The following PDE8B variants were observed in gnomAD, a reference collection of about 807,000 sequenced individuals.
PDE8B encodes the protein phosphodiesterase 8B, also known as high affinity cAMP-specific and IBMX-insensitive 3',5'-cyclic phosphodiesterase 8B.
In PDE8B, 26 loss-of-function variants were observed where a neutral mutation model predicts 101.3. The ratio of observed to expected loss-of-function variants is 0.26; its 90% CI spans 0.19 to 0.36. The LOEUF is 0.36. Ranked by LOEUF, PDE8B falls within the 10% of genes least tolerant of loss-of-function variation. The pLI is 1.00. For synonymous variants in PDE8B, 424 were observed against 429.3 expected, an observed-to-expected ratio of 0.99 and a Z score of 0.15; for missense variants, 810 against 1,163.1, an observed-to-expected ratio of 0.70 and a Z score of 4.42.
the PDE8B span, among the ~76,000 whole-genome samples, chr5:77,149,203 T>C: frequency 6.6e-6 from 1 of 152,220 alleles, no homozygotes; most frequent in African/African-American, 2.4e-5. Context: ...ATCTGAACTC[T>C]CAGTTCTTCT....
the PDE8B span, among the ~76,000 whole-genome samples, chr5:77,110,329 A>G: frequency 7.8e-4 from 118 of 152,222 alleles, no homozygotes; most frequent in Non-Finnish European, 1.4e-3. Flanking sequence ...TTTAAGTTGC[A>G]TCAAGTACTG....
At chr5:77,368,407 G>A (rs2150643247) in intron 10 of PDE8B, among the ~76,000 whole-genome samples, 1 of 152,312 alleles carries the variant, frequency 6.6e-6, no homozygotes, top group Middle Eastern at 3.4e-3. Flanking sequence ...AGAAGGCTCA[G>A]CTTCTTACAC....
chr5:77,164,531 TG>T, the PDE8B span, among the ~76,000 whole-genome samples: 1 of 152,186 alleles, frequency 6.6e-6, no homozygotes, highest in Non-Finnish European at 1.5e-5. Context: ...ATTCAGCATA[TG>T]TCTGTCAAGA....
Position 77,210,980 on chromosome 5 carries a change from G to A in PDE8B, c.55G>A (p.Asp19Asn). Reference sequence around the variant, plus strand: ...GCAGAGCGGCGTGATCTACTGCCGGGACTCGGACGAGTCCAGCTCGCCCCG... The same window carrying A: ...GCAGAGCGGCGTGATCTACTGCCGGAACTCGGACGAGTCCAGCTCGCCCCG... ...VSQSGVIYCR[D>N]SDESSSPRQT... is the part of the protein sequence containing the mutation. Residue 19 changes from aspartate (D) to asparagine (N), a missense_variant, in exon 1 of 22, where the codon GAC (aspartate) becomes AAC (asparagine). Asp to Asn is a conservative substitution (Grantham distance 23). Transcript: ENST00000264917. The surrounding 1 kb of genome is among the most constrained non-coding windows in gnomAD (Gnocchi z 4.9). The A allele has an allele frequency of 1.3e-6, 2 of 1,540,120 alleles. No individual in the cohort carries two copies. The highest frequency in any genetic ancestry group is 1.2e-5 in the South Asian group (1 of 84,904).
chr5:77,124,502 G>A, the PDE8B span, among the ~76,000 whole-genome samples: 6 of 151,844 alleles, frequency 4.0e-5, no homozygotes, highest in African/African-American at 9.7e-5. Context: ...TGGGAGGATC[G>A]CCTGAGCTGA....
chr5:77,293,768 A>C (rs1340785466), intron 1 of PDE8B, among the ~76,000 whole-genome samples: 3 of 152,204 alleles, frequency 2.0e-5, no homozygotes, highest in Admixed American at 6.5e-5. Flanking sequence ...TAACATTGTC[A>C]GTTTTTTAGA....
chr5:77,128,471 G>A, the PDE8B span, among the ~76,000 whole-genome samples: 3 of 152,170 alleles, frequency 2.0e-5, no homozygotes, highest in African/African-American at 2.4e-5. Flanking sequence ...ACCTTTATGG[G>A]TTGTGCATGC....
chr5:77,281,583 T>C (rs1765008645), intron 1 of PDE8B, among the ~76,000 whole-genome samples: 1 of 152,160 alleles, frequency 6.6e-6, no homozygotes, highest in Non-Finnish European at 1.5e-5. Context: ...ACATTGCCTT[T>C]TCCTCTTCTG....
chr5:77,328,395 G>C (rs1393585444), intron 3 of PDE8B, among the ~76,000 whole-genome samples: 1 of 152,164 alleles, frequency 6.6e-6, no homozygotes, highest in South Asian at 2.1e-4. Context: ...ATTATATGGT[G>C]ACAGGTACTA....
At chr5:77,341,799 T>G (rs1360611196) in intron 6 of PDE8B, among the ~76,000 whole-genome samples, 2 of 152,220 alleles carry the variant, frequency 1.3e-5, no homozygotes, top group African/African-American at 2.4e-5. Context: ...AAGCCCCCTT[T>G]TATTCTTGTT....
intron 1 of PDE8B, chr5:77,291,754 T>C (rs1352011081): frequency 6.3e-7 from 1 of 1,584,166 alleles, no homozygotes; most frequent in Non-Finnish European, 8.7e-7. Flanking sequence ...ACTTGTACTA[T>C]CAACTACAGT....
the PDE8B span, among the ~76,000 whole-genome samples, chr5:77,180,248 C>G: frequency 6.6e-6 from 1 of 152,194 alleles, no homozygotes; most frequent in African/African-American, 2.4e-5. Flanking sequence ...CCCAGGCACC[C>G]GCCGGCCCGG....
intron 10 of PDE8B, among the ~76,000 whole-genome samples, chr5:77,359,228 C>T (rs552249157): frequency 2.0e-5 from 3 of 152,284 alleles, no homozygotes; most frequent in South Asian, 2.1e-4. Context: ...GACAACTTCA[C>T]GCTTGGTGGT....
intron 2 of PDE8B, among the ~76,000 whole-genome samples, chr5:77,320,033 C>T (rs970704419): frequency 6.6e-5 from 10 of 151,720 alleles, no homozygotes; most frequent in African/African-American, 2.2e-4. Flanking sequence ...ATATTTATAA[C>T]CAAGAATAAG....
the PDE8B span, among the ~76,000 whole-genome samples, chr5:77,187,293 T>C: frequency 6.6e-6 from 1 of 152,298 alleles, no homozygotes; most frequent in East Asian, 1.9e-4. Flanking sequence ...GATGATGCAA[T>C]TTCAGTTTTC....
the PDE8B span, among the ~76,000 whole-genome samples, chr5:77,091,388 C>G: frequency 6.6e-6 from 1 of 152,250 alleles, no homozygotes; most frequent in East Asian, 1.9e-4. Context: ...GCCTGTAATC[C>G]CAGCATTTTG....
At chr5:77,254,742 T>C (rs545866560) in intron 1 of PDE8B, among the ~76,000 whole-genome samples, 2 of 152,374 alleles carry the variant, frequency 1.3e-5, no homozygotes, top group East Asian at 3.9e-4. Flanking sequence ...CTGATTTCTT[T>C]TGTGCCTGCT....
At chr5:77,101,213 C>T in the PDE8B span, among the ~76,000 whole-genome samples, 2 of 151,680 alleles carry the variant, frequency 1.3e-5, no homozygotes, top group African/African-American at 4.8e-5. Context: ...TCAAGCTATC[C>T]TCCTGCCTCA....
chr5:77,400,379 A>T, intron 11 of PDE8B, 89 bp downstream of exon 11: 1 of 868,540 alleles, frequency 1.2e-6, no homozygotes, highest in Non-Finnish European at 2.0e-6. Context: ...CTAAGTTGAC[A>T]TCTACTACCC....
Sources: gnomAD v4.1 joint callset for allele counts (sites outside exome capture counted in the v4.1 genomes callset) on GRCh38, gnomAD v4.1.1 for gene constraint, Gnocchi (gnomAD v3.1) non-coding constraint, MANE v1.5 for transcripts, NCBI Gene and HGNC (gene_info 2026-07-23, HGNC 2026-07-21) for gene names.